Variants in PNLIPRP3 observed in about 807,000 individuals in gnomAD.
The protein encoded by PNLIPRP3 is pancreatic lipase related protein 3.
A neutral mutation model predicts 52.8 loss-of-function variants in PNLIPRP3; 58 were observed. The ratio of observed to expected loss-of-function variants is 1.10; its 90% CI spans 0.89 to 1.37. The LOEUF is 1.37. PNLIPRP3 is among the 40% of genes most tolerant of loss of function. PNLIPRP3 has a pLI of 0.00. For synonymous variants in PNLIPRP3, 192 were observed against 185.0 expected, an observed-to-expected ratio of 1.04 and a Z score of -0.31; for missense variants, 593 against 561.6, an observed-to-expected ratio of 1.06 and a Z score of -0.57.
At position 116,477,268 on chromosome 10, in the gene PNLIPRP3, G is replaced by C. The variant is rs1205489001; in HGVS notation, c.*115G>C. On this transcript the variant is annotated 3_prime_UTR_variant, in exon 12 of 12. Coordinates refer to ENST00000369230, the MANE Select transcript of PNLIPRP3 (RefSeq NM_001011709.3). ...TGTAAATGACTTAGTCATTTACAAG[G>C]GTCTTACTCAGAGTCAAGTACGGGT... 6.5e-6 allele frequency: 5 copies of C among 767,142 alleles called. No homozygotes were observed. Among genetic ancestry groups the C allele is most frequent in the Non-Finnish European group, 1.0e-5 (5 of 485,080 alleles). 47.5% of individuals were successfully genotyped at this position (767,142 alleles called of 1,614,324 possible).
chr10:116,440,396 C>T (rs1414042317), intron 2 of PNLIPRP3, among the ~76,000 whole-genome samples: 2 of 152,132 alleles, frequency 1.3e-5, no homozygotes, highest in Admixed American at 1.3e-4. Context: ...CCCCACTTCC[C>T]TCCATTTGGA....
intron 8 of PNLIPRP3, among the ~76,000 whole-genome samples, chr10:116,467,573 A>G (rs1846300280): frequency 6.8e-6 from 1 of 147,430 alleles, no homozygotes; most frequent in Non-Finnish European, 1.5e-5. Context: ...AAAACATACA[A>G]ATAAAATTAA....
At chr10:116,468,826 AT>A (rs983490154) in intron 8 of PNLIPRP3, among the ~76,000 whole-genome samples, 1 of 152,218 alleles carries the variant, frequency 6.6e-6, no homozygotes, top group Non-Finnish European at 1.5e-5. Flanking sequence ...AGTGTTGCCA[AT>A]TGCTTTAATG....
intron 4 of PNLIPRP3, among the ~76,000 whole-genome samples, chr10:116,445,337 G>C (rs540039865): frequency 6.6e-6 from 1 of 152,310 alleles, no homozygotes; most frequent in South Asian, 2.1e-4. Flanking sequence ...GAGAATGGCA[G>C]AAGCAGAAAC....
intron 1 of PNLIPRP3, among the ~76,000 whole-genome samples, chr10:116,432,111 T>A (rs769612821): frequency 2.6e-5 from 4 of 152,192 alleles, no homozygotes; most frequent in African/African-American, 7.2e-5. Context: ...CTAACTAGAT[T>A]ATATACTCCA....
chr10:116,455,689 TA>T, intron 4 of PNLIPRP3, 32 bp from the exon 5 acceptor site: 2 of 1,523,268 alleles, frequency 1.3e-6, no homozygotes, highest in Non-Finnish European at 1.8e-6. Context: ...CCGCTGTTTT[TA>T]AAATACTTAT....
At chr10:116,428,167 C>T in intron 1 of PNLIPRP3, 106 bp downstream of exon 1, 2 of 791,140 alleles carry the variant, frequency 2.5e-6, no homozygotes, top group Non-Finnish European at 4.1e-6. Context: ...TTGCTAATTT[C>T]ATTCTTAAGT....
At chr10:116,470,657 C>T (rs1325724656) in intron 9 of PNLIPRP3, among the ~76,000 whole-genome samples, 1 of 151,728 alleles carries the variant, frequency 6.6e-6, no homozygotes, top group African/African-American at 2.4e-5. Context: ...TTACAGGCGC[C>T]GCCACCACGC....
At chr10:116,451,833 G>A (rs1846041499) in intron 4 of PNLIPRP3, among the ~76,000 whole-genome samples, 1 of 77,910 alleles carries the variant, frequency 1.3e-5, no homozygotes, top group African/African-American at 3.1e-5. Flanking sequence ...ACACAAGAAT[G>A]AACTAACACA....
intron 8 of PNLIPRP3, 95 bp from the exon 9 acceptor site, chr10:116,469,090 T>G: frequency 2.5e-6 from 3 of 1,223,426 alleles, no homozygotes; most frequent in Non-Finnish European, 3.3e-6. Flanking sequence ...ATTTAGATCC[T>G]GGAGATTTAT....
At chr10:116,448,008 G>A (rs1273680027) in intron 4 of PNLIPRP3, among the ~76,000 whole-genome samples, 3 of 94,036 alleles carry the variant, frequency 3.2e-5, no homozygotes, top group African/African-American at 1.0e-4. Flanking sequence ...GAGAGAGAGA[G>A]AAAAGGAAGG....
rs534245890 is a variant in PNLIPRP3 at position 116,444,091 on chromosome 10, G to A, written c.325-291G>A. ...GCAGGAAGGAGAAGTGCCAAGTGAA[G>A]GGGGAAGAATCCCTTATAAAACCAT... On this transcript the variant is annotated intron_variant, in intron 3 of 11. Coordinates refer to ENST00000369230, the MANE Select transcript of PNLIPRP3 (RefSeq NM_001011709.3). Among the ~76,000 whole-genome samples, 9 of 152,046 alleles carry A rather than the reference G, an allele frequency of 5.9e-5. No individual in the cohort carries two copies. In the East Asian group the frequency reaches 1.8e-3, roughly 30 times the overall value.
chr10:116,439,398 T>C, intron 2 of PNLIPRP3: 1 of 541,094 alleles, frequency 1.8e-6, no homozygotes, highest in Non-Finnish European at 3.4e-6. Context: ...ATAAGAAATG[T>C]GTCAATTACA....
chr10:116,467,067 A>G (rs1261059977), intron 8 of PNLIPRP3, among the ~76,000 whole-genome samples: 1 of 152,214 alleles, frequency 6.6e-6, no homozygotes, highest in Non-Finnish European at 1.5e-5. Flanking sequence ...TAGGAGAAGC[A>G]GGCCCTTGGA....
Position 116,428,062 on chromosome 10 carries a change from G to A in PNLIPRP3, c.49+1G>A. 1 of 1,597,090 alleles carries A rather than the reference G, an allele frequency of 6.3e-7. No homozygotes were observed. The highest frequency in any genetic ancestry group is 8.6e-7 in the Non-Finnish European group (1 of 1,166,286). On this transcript the variant is annotated splice_donor_variant, in intron 1 of 11. Transcript: ENST00000369230. LOFTEE classifies it high-confidence loss of function. ...TTCTTGTTCTTTGGCACATCAAGAGGTAAGATTCATAATTTATAATAAGTT... is the reference window on the plus strand; with the variant it reads ...TTCTTGTTCTTTGGCACATCAAGAGATAAGATTCATAATTTATAATAAGTT...
intron 8 of PNLIPRP3, among the ~76,000 whole-genome samples, chr10:116,466,548 A>G (rs1846284760): frequency 6.6e-6 from 1 of 152,214 alleles, no homozygotes; most frequent in Admixed American, 6.5e-5. Flanking sequence ...ATCAATAGCT[A>G]CAACCAAACA....
chr10:116,440,040 A>G, intron 2 of PNLIPRP3: 1 of 753,582 alleles, frequency 1.3e-6, no homozygotes, highest in South Asian at 1.4e-5. Context: ...GGTCACCTTT[A>G]GCCATCCTGA....
In PNLIPRP3 at chr10:116,444,500, T is replaced by C. The variant is rs748008914; in HGVS notation, c.443T>C (p.Ile148Thr). Residue 148 changes from isoleucine (I) to threonine (T), a missense_variant, in exon 4 of 12, where the codon ATT becomes ACT. By Grantham distance (89) the Ile-to-Thr change is moderately conservative. Transcript: ENST00000369230. ...RVVGAEVAYF[I>T]DVLMKKFEYS... is the part of the protein sequence containing the mutation. ...GTTGGTGCTGAGGTGGCTTATTTTA[T>C]TGATGTTCTCATGGTAAGAAGAGTT... 2 of 1,613,414 alleles carry C rather than the reference T, an allele frequency of 1.2e-6. No individual in the cohort carries two copies. The highest frequency in any genetic ancestry group is 1.7e-6 in the Non-Finnish European group (2 of 1,179,628).
At chr10:116,431,454 T>G (rs970409946) in intron 1 of PNLIPRP3, among the ~76,000 whole-genome samples, 12 of 126,100 alleles carry the variant, frequency 9.5e-5, no homozygotes, top group African/African-American at 3.7e-4. Context: ...AATGTTAGGG[T>G]TTTTTTTATT....
Sources: gnomAD v4.1 joint callset for allele counts (sites outside exome capture counted in the v4.1 genomes callset) on GRCh38, gnomAD v4.1.1 for gene constraint, MANE v1.5 for transcripts, NCBI Gene and HGNC (gene_info 2026-07-23, HGNC 2026-07-21) for gene names.